The following TRDN variants were observed in gnomAD, a reference collection of about 807,000 sequenced individuals.
The protein encoded by TRDN is triadin.
Under a neutral mutation model 149.7 loss-of-function variants are expected in TRDN, and 161 were observed. The ratio of observed to expected loss-of-function variants is 1.08; its 90% CI spans 0.95 to 1.23. The LOEUF is 1.23. Ranked by LOEUF, TRDN falls within the 50% of genes most tolerant of loss-of-function variation. TRDN has a pLI of 0.00. For missense variants in TRDN, 896 were observed against 823.5 expected, an observed-to-expected ratio of 1.09 and a Z score of -1.08; for synonymous variants, 294 against 250.5, an observed-to-expected ratio of 1.17 and a Z score of -1.64.
intron 21 of TRDN, chr6:123,350,858 A>T: frequency 3.0e-6 from 3 of 983,934 alleles, no homozygotes; most frequent in Non-Finnish European, 3.6e-6. Context: ...ATAAAAGAAG[A>T]TTTTAGTAAA....
At chr6:123,547,414 T>G in intron 3 of TRDN, 42 bp from the exon 4 acceptor site, 1 of 1,193,870 alleles carries the variant, frequency 8.4e-7, no homozygotes, top group Non-Finnish European at 1.1e-6. Flanking sequence ...GAAAATATTT[T>G]AGCATAGAAT....
chr6:123,554,361 T>C (rs1403112016), intron 2 of TRDN, among the ~76,000 whole-genome samples: 1 of 152,204 alleles, frequency 6.6e-6, no homozygotes, highest in African/African-American at 2.4e-5. Context: ...AAGTGTAATA[T>C]ATAATTGATA....
At chr6:123,436,518 C>A (rs1774569659) in intron 12 of TRDN, among the ~76,000 whole-genome samples, 1 of 152,030 alleles carries the variant, frequency 6.6e-6, no homozygotes, top group East Asian at 1.9e-4. Context: ...CCAGATATTT[C>A]TACGCATTTC....
At chr6:123,628,646 TAA>T (rs1469306752) in intron 1 of TRDN, among the ~76,000 whole-genome samples, 1 of 152,124 alleles carries the variant, frequency 6.6e-6, no homozygotes, top group African/African-American at 2.4e-5. Context: ...CAAAGTGCAA[TAA>T]AAAGAGACAT....
At chr6:123,257,485 C>A (rs1776604129) in intron 35 of TRDN, among the ~76,000 whole-genome samples, 1 of 152,096 alleles carries the variant, frequency 6.6e-6, no homozygotes, top group African/African-American at 2.4e-5. Flanking sequence ...GGCCTCTATT[C>A]TGTTCCTTTG....
intron 5 of TRDN, among the ~76,000 whole-genome samples, 134 bp downstream of exon 5, chr6:123,530,350 CTGATATACATTTATAACTGAAA>C (rs1562367793): frequency 7.9e-4 from 25 of 31,684 alleles, no homozygotes; most frequent in Admixed American, 1.5e-3. Context: ...CTGAAATTAA[CTGATATACATTTATAACTGAAA>C]TTAACTGAGG....
chr6:123,441,425 T>C (rs1034798261), intron 10 of TRDN, among the ~76,000 whole-genome samples: 2 of 152,160 alleles, frequency 1.3e-5, no homozygotes, highest in Non-Finnish European at 2.9e-5. Context: ...GTTCAGAAGA[T>C]TAAAAATTAA....
chr6:123,306,976 G>T (rs9283099), intron 24 of TRDN, among the ~76,000 whole-genome samples: 27,915 of 151,884 alleles, frequency 0.18, 3,319 homozygotes, highest in East Asian at 0.58. Context: ...GTATTTAAAA[G>T]CATAGTCATT....
chr6:123,541,459 T>C (rs1277523612), intron 4 of TRDN, among the ~76,000 whole-genome samples: 1 of 152,150 alleles, frequency 6.6e-6, no homozygotes, highest in Non-Finnish European at 1.5e-5. Context: ...CTAAATCTCC[T>C]TTGATCTCGC....
At chr6:123,585,503 C>T (rs1002045397) in intron 1 of TRDN, among the ~76,000 whole-genome samples, 2 of 151,996 alleles carry the variant, frequency 1.3e-5, no homozygotes, top group Non-Finnish European at 2.9e-5. Flanking sequence ...ACCCGAAGCT[C>T]GGCATCCATG....
chr6:123,519,573 T>A (rs533717803), intron 5 of TRDN, among the ~76,000 whole-genome samples: 5 of 151,700 alleles, frequency 3.3e-5, no homozygotes, highest in African/African-American at 1.2e-4. Context: ...TGTTCTTAGG[T>A]TGAAAATCAA....
intron 8 of TRDN, chr6:123,498,764 G>A: frequency 5.5e-6 from 2 of 363,822 alleles, no homozygotes; most frequent in South Asian, 2.2e-5. Context: ...AAAGCAAGAT[G>A]AAAAAGTACA....
intron 38 of TRDN, among the ~76,000 whole-genome samples, chr6:123,250,338 G>GT: frequency 6.6e-6 from 1 of 151,980 alleles, no homozygotes; most frequent in South Asian, 2.1e-4. Flanking sequence ...AGCTCCTTTA[G>GT]TTAAAGAGAA....
intron 4 of TRDN, among the ~76,000 whole-genome samples, chr6:123,535,851 A>C (rs1259641895): frequency 6.6e-6 from 1 of 152,172 alleles, no homozygotes; most frequent in Non-Finnish European, 1.5e-5. Context: ...TAGTATACTA[A>C]TATAATTAAA....
chr6:123,365,568 G>A (rs74615382), intron 20 of TRDN, among the ~76,000 whole-genome samples: 2,651 of 152,200 alleles, frequency 0.017, 36 homozygotes, highest in Non-Finnish European at 0.024. Flanking sequence ...GCAGGTTTGC[G>A]TGTGTGTATG....
At chr6:123,457,563 C>T (rs940786316) in intron 10 of TRDN, 11 of 436,424 alleles carry the variant, frequency 2.5e-5, no homozygotes, top group Admixed American at 2.2e-4. Context: ...TTTCATTTTC[C>T]TTTTTTTTTC....
At chr6:123,435,405 C>A (rs567282577) in intron 12 of TRDN, among the ~76,000 whole-genome samples, 1 of 151,952 alleles carries the variant, frequency 6.6e-6, no homozygotes, top group African/African-American at 2.4e-5. Flanking sequence ...TGTTTGTAAA[C>A]CATATTGCTG....
intron 9 of TRDN, among the ~76,000 whole-genome samples, chr6:123,492,882 A>G (rs1423338932): frequency 2.6e-5 from 4 of 152,144 alleles, no homozygotes; most frequent in South Asian, 2.1e-4. Flanking sequence ...GAGGTTAATC[A>G]GTTTCAAGAC....
intron 1 of TRDN, among the ~76,000 whole-genome samples, chr6:123,575,901 C>T (rs1220022353): frequency 2.0e-5 from 3 of 152,056 alleles, no homozygotes; most frequent in Admixed American, 1.3e-4. Flanking sequence ...AATACAATCT[C>T]TTTCAGGATG....
Sources: allele counts gnomAD v4.1 joint callset (sites outside exome capture counted in the v4.1 genomes callset), GRCh38; gene constraint gnomAD v4.1.1; transcripts MANE v1.5; gene names NCBI Gene and HGNC (gene_info 2026-07-23, HGNC 2026-07-21).